Variants in DNM3 observed in about 807,000 individuals in gnomAD.
DNM3 encodes dynamin-3.
A neutral mutation model predicts 101.6 loss-of-function variants in DNM3; 47 were observed. The ratio of observed to expected loss-of-function variants is 0.46; its 90% CI spans 0.37 to 0.59. The LOEUF is 0.59. DNM3 is among the 20% of genes least tolerant of loss of function. The pLI, the probability that DNM3 is intolerant of heterozygous loss-of-function variation, is 0.00. For missense variants in DNM3, 849 were observed against 1,085.7 expected (o/e 0.78, Z 3.06); for synonymous variants, 385 against 387.9 (o/e 0.99, Z 0.09).
chr1:172,056,075 G>C (rs972252945), intron 10 of DNM3, among the ~76,000 whole-genome samples: 1 of 152,172 alleles, frequency 6.6e-6, no homozygotes, highest in African/African-American at 2.4e-5. Flanking sequence ...CAAAGAAAGG[G>C]GTGACGGACG....
chr1:171,909,988 T>C (rs2039161021), intron 1 of DNM3, among the ~76,000 whole-genome samples: 1 of 152,252 alleles, frequency 6.6e-6, no homozygotes, highest in South Asian at 2.1e-4. Context: ...GTATTTGAAT[T>C]GAGCACACTG....
chr1:172,228,109 A>G (rs2061202748), intron 14 of DNM3, among the ~76,000 whole-genome samples: 1 of 151,778 alleles, frequency 6.6e-6, no homozygotes, highest in African/African-American at 2.4e-5. Flanking sequence ...TTCTCAATTT[A>G]TCATCTGTTT....
chr1:172,362,623 A>G (rs2067799566), intron 17 of DNM3, among the ~76,000 whole-genome samples: 1 of 151,912 alleles, frequency 6.6e-6, no homozygotes, highest in African/African-American at 2.4e-5. Context: ...GCCTAAAAGA[A>G]ACATCTTTGA....
chr1:171,929,773 G>T (rs1293396402), intron 2 of DNM3, among the ~76,000 whole-genome samples: 7 of 152,184 alleles, frequency 4.6e-5, no homozygotes, highest in Non-Finnish European at 7.3e-5. Context: ...GAAGACCCCA[G>T]TTGGGAGGTC....
At chr1:172,378,939 A>G (rs2068750106) in intron 17 of DNM3, 79 bp from the exon 18 acceptor site, 1 of 1,451,172 alleles carries the variant, frequency 6.9e-7, no homozygotes, top group South Asian at 1.4e-5. Flanking sequence ...TCAGAAGTTG[A>G]TAATCTGATA....
Position 172,411,203 on chromosome 1 carries a change from T to A in DNM3, c.*3362T>A, listed in dbSNP as rs1006713639. On this transcript the variant is annotated 3_prime_UTR_variant, in exon 21 of 21. Transcript: ENST00000627582. ...TAATACAACAGATAGCTTTGAATGA[T>A]CTGCCATAACATGTGGTAACAATAG... The A allele has an allele frequency of 3.0e-6, 3 of 985,182 alleles. No homozygotes were observed. The highest frequency in any genetic ancestry group is 5.2e-4 in the Middle Eastern group (1 of 1,936). The allele number at this position is 985,182 out of a possible 1,614,324, so 61.0% of individuals were successfully genotyped here.
chr1:172,313,328 G>A (rs2065158973), intron 16 of DNM3, among the ~76,000 whole-genome samples: 1 of 152,118 alleles, frequency 6.6e-6, no homozygotes, highest in Non-Finnish European at 1.5e-5. Context: ...GCTATGATTA[G>A]ACAACTTTTA....
chr1:172,383,090 T>G (rs1417296282), intron 18 of DNM3, among the ~76,000 whole-genome samples: 1 of 152,114 alleles, frequency 6.6e-6, no homozygotes, highest in Non-Finnish European at 1.5e-5. Flanking sequence ...ACTGATTTGT[T>G]TCCACCAGCC....
chr1:172,123,637 CA>C (rs1175662038), intron 13 of DNM3, among the ~76,000 whole-genome samples: 1 of 152,140 alleles, frequency 6.6e-6, no homozygotes, highest in Admixed American at 6.5e-5. Context: ...TGAATGGGGG[CA>C]AGAATGGCAG....
At chr1:171,878,194 T>A (rs1182408254) in intron 1 of DNM3, among the ~76,000 whole-genome samples, 1 of 152,134 alleles carries the variant, frequency 6.6e-6, no homozygotes, top group Non-Finnish European at 1.5e-5. Flanking sequence ...TACTAACAGC[T>A]TGCAGAAGCT....
chr1:172,076,439 AT>A, intron 11 of DNM3, among the ~76,000 whole-genome samples: 1 of 152,298 alleles, frequency 6.6e-6, no homozygotes, highest in East Asian at 1.9e-4. Context: ...TCAGTATGAT[AT>A]TGGCCATGAG....
intron 20 of DNM3, among the ~76,000 whole-genome samples, chr1:172,398,414 A>G (rs1044424571): frequency 2.0e-5 from 3 of 152,190 alleles, no homozygotes; most frequent in African/African-American, 7.2e-5. Flanking sequence ...AACATTATTC[A>G]AAATAGTTCT....
rs377024024 is a variant in DNM3, at chr1:172,366,655, G to A, written c.1894-12363G>A. 16 of 151,872 alleles carry A rather than the reference G, an allele frequency of 1.1e-4. No individual in the cohort carries two copies. The East Asian group carries it at 2.5e-3, about 24-fold the overall frequency. 9.4% of individuals were successfully genotyped at this position (151,872 alleles called of 1,614,324 possible). ...AAGCATTTTGTATTTTTCTGAATGA[G>A]AAATTTAATAAAGAGATACATATTA... On this transcript the variant is annotated intron_variant, in intron 17 of 20. Coordinates refer to ENST00000627582, the MANE Select transcript of DNM3 (RefSeq NM_015569.5).
chr1:171,942,489 T>C (rs918224831), intron 2 of DNM3, among the ~76,000 whole-genome samples: 37 of 152,128 alleles, frequency 2.4e-4, no homozygotes, highest in African/African-American at 8.7e-4. Context: ...CAAAGGGAAA[T>C]AATAGGTGAA....
At chr1:172,358,869 T>C (rs1456107321) in intron 17 of DNM3, among the ~76,000 whole-genome samples, 1 of 145,326 alleles carries the variant, frequency 6.9e-6, no homozygotes, top group Non-Finnish European at 1.5e-5. Context: ...TCTCCCTTCC[T>C]GATTCTAACA....
chr1:172,011,815 C>T (rs186391569), intron 4 of DNM3, among the ~76,000 whole-genome samples: 2 of 151,934 alleles, frequency 1.3e-5, no homozygotes, highest in African/African-American at 4.8e-5. Context: ...CTTTTTATTT[C>T]CACTTGCAAA....
chr1:172,216,740 T>C (rs1326893553), intron 14 of DNM3, among the ~76,000 whole-genome samples: 1 of 150,374 alleles, frequency 6.7e-6, no homozygotes, highest in African/African-American at 2.5e-5. Flanking sequence ...GTAGAGGGAA[T>C]ACACACACAC....
chr1:172,144,439 T>A (rs2057765540), intron 14 of DNM3: 1 of 282,968 alleles, frequency 3.5e-6, no homozygotes, highest in Non-Finnish European at 7.5e-6. Context: ...GTGCAAAACC[T>A]GTGAAGAAAA....
intron 1 of DNM3, among the ~76,000 whole-genome samples, chr1:171,872,073 T>G (rs12740085): frequency 6.6e-6 from 1 of 151,740 alleles, no homozygotes; most frequent in African/African-American, 2.4e-5. Flanking sequence ...TGTGATAAGG[T>G]GTGTAGGGAG....
Sources: gnomAD v4.1 joint callset for allele counts (sites outside exome capture counted in the v4.1 genomes callset) on GRCh38, gnomAD v4.1.1 for gene constraint, MANE v1.5 for transcripts, NCBI Gene and HGNC (gene_info 2026-07-23, HGNC 2026-07-21) for gene names.